The following LRGUK variants were observed in gnomAD, a reference collection of about 807,000 sequenced individuals.
LRGUK encodes leucine-rich repeat and guanylate kinase domain-containing protein.
Under a neutral mutation model 76.0 loss-of-function variants are expected in LRGUK, and 65 were observed. The observed-to-expected ratio is 0.85, with a 90% CI of 0.70 to 1.05. The LOEUF (loss-of-function observed/expected upper bound fraction) is 1.05. LRGUK is among the 50% of genes least tolerant of loss of function. The pLI is 0.00. For synonymous variants in LRGUK, 268 were observed against 265.6 expected, an observed-to-expected ratio of 1.01 and a Z score of -0.09; for missense variants, 758 against 732.8, an observed-to-expected ratio of 1.03 and a Z score of -0.40.
At chr7:134,263,045 T>C (rs1329898003) in intron 19 of LRGUK, among the ~76,000 whole-genome samples, 2 of 150,464 alleles carry the variant, frequency 1.3e-5, no homozygotes, top group Non-Finnish European at 3.0e-5. Context: ...TCTCAAACAA[T>C]GTCTTATTTT....
At chr7:134,136,925 G>C (rs1797563351) in intron 1 of LRGUK, 98 bp from the exon 2 acceptor site, 1 of 1,027,596 alleles carries the variant, frequency 9.7e-7, no homozygotes, top group Non-Finnish European at 1.5e-6. Context: ...CAGCTCCTGG[G>C]TATAAAATAT....
intron 7 of LRGUK, among the ~76,000 whole-genome samples, chr7:134,169,767 G>A (rs192654039): frequency 1.6e-3 from 239 of 152,064 alleles, no homozygotes; most frequent in African/African-American, 5.4e-3. Flanking sequence ...GGATAAGTCA[G>A]GATTTATTGA....
intron 4 of LRGUK, among the ~76,000 whole-genome samples, chr7:134,146,436 C>T (rs1797972831): frequency 6.6e-6 from 1 of 151,984 alleles, no homozygotes; most frequent in South Asian, 2.1e-4. Flanking sequence ...TAAGCTTATT[C>T]CTAGTTTATT....
intron 16 of LRGUK, among the ~76,000 whole-genome samples, chr7:134,235,620 C>T (rs1801996052): frequency 6.6e-6 from 1 of 152,138 alleles, no homozygotes; most frequent in African/African-American, 2.4e-5. Flanking sequence ...TGTTGGTCTT[C>T]CCCTGTTAGA....
intron 17 of LRGUK, 28 bp downstream of exon 17, chr7:134,247,672 A>C (rs746945218): frequency 6.6e-7 from 1 of 1,522,788 alleles, no homozygotes. Context: ...GAGCAACTTT[A>C]GATTGATTTC....
chr7:134,204,790 G>C (rs1383972335), intron 15 of LRGUK, among the ~76,000 whole-genome samples: 1 of 152,188 alleles, frequency 6.6e-6, no homozygotes, highest in Non-Finnish European at 1.5e-5. Flanking sequence ...TGTTCTTCCT[G>C]AGTCTCAGGG....
chr7:134,219,266 C>T (rs567533923), intron 15 of LRGUK, among the ~76,000 whole-genome samples: 88 of 152,212 alleles, frequency 5.8e-4, no homozygotes, highest in African/African-American at 2.0e-3. Context: ...GAGTTCAAGT[C>T]GTTAAAGCGG....
chr7:134,206,172 T>G (rs1481001001), intron 15 of LRGUK, among the ~76,000 whole-genome samples: 1 of 152,206 alleles, frequency 6.6e-6, no homozygotes, highest in Non-Finnish European at 1.5e-5. Context: ...ATACTAACTT[T>G]AGGTACACAG....
chr7:134,232,804 A>G (rs1801933332), intron 16 of LRGUK, among the ~76,000 whole-genome samples: 1 of 152,142 alleles, frequency 6.6e-6, no homozygotes, highest in Non-Finnish European at 1.5e-5. Flanking sequence ...TAAAATATCC[A>G]ATTTACTCAT....
intron 12 of LRGUK, among the ~76,000 whole-genome samples, chr7:134,192,163 A>G (rs560744157): frequency 1.9e-4 from 29 of 152,294 alleles, no homozygotes; most frequent in African/African-American, 7.0e-4. Context: ...TCTGTCCAGA[A>G]AGTAGTCTTT....
chr7:134,258,193 C>T (rs2544180), intron 18 of LRGUK, 64 bp from the exon 19 acceptor site: 41,806 of 1,595,968 alleles, frequency 0.026, 2,720 homozygotes, highest in African/African-American at 0.21. Context: ...AGGCATAGAT[C>T]GTGTGGCCAT....
rs753970110 is a variant in LRGUK at position 134,127,539 on chromosome 7, T to A, written c.172T>A (p.Ser58Thr). ...GACGAAAGGCAGCTCTAACATAGCC[T>A]CCTCCTACCTGCTCCAGCAGCTCAT... The change falls in exon 1 of 16, where the codon TCC becomes ACC. Residue 58 changes from serine to threonine, a missense_variant. Physicochemically the swap from Ser to Thr is moderately conservative, Grantham distance 58. Transcript: ENST00000645682. 7 of 1,614,060 alleles carry A rather than the reference T, an allele frequency of 4.3e-6. No individual in the cohort carries two copies. The South Asian group carries it at 6.6e-5, about 15-fold the overall frequency.
rs534840933 is a variant in LRGUK, at chr7:134,163,322, C to T, written c.796-75C>T. On this transcript the variant is annotated intron_variant, in intron 6 of 15. Coordinates refer to ENST00000645682, the Ensembl canonical transcript of LRGUK. ...TTTTAGAGAGATTTGGGTCAGTATC[C>T]CAAATGAAAACTTGCCATTACAACT... is the stretch of plus-strand genomic sequence containing the variant. The T allele has an allele frequency of 2.2e-6, 3 of 1,381,184 alleles. No individual in the cohort carries two copies. The South Asian group carries it at 4.5e-5, about 21-fold the overall frequency. The allele number at this position is 1,381,184 out of a possible 1,614,324, so 85.6% of individuals were successfully genotyped here. A position where few individuals can be genotyped will look rare whatever the true frequency, so the allele number is the denominator to read the frequency against.
At chr7:134,178,580 C>T (rs200858255) in exon 10 of LRGUK, 33 of 1,612,530 alleles carry the variant, frequency 2.0e-5, no homozygotes, top group Non-Finnish European at 2.5e-5. Context: ...TTGTCAACAG[C>T]GTGATGCAGC....
At chr7:134,261,809 G>A (rs184843666) in intron 19 of LRGUK, among the ~76,000 whole-genome samples, 150 of 152,262 alleles carry the variant, frequency 9.9e-4, no homozygotes, top group Middle Eastern at 3.4e-3. Flanking sequence ...CCATTGTAGC[G>A]TGAGAACAGC....
chr7:134,246,970 G>A (rs80035058), intron 16 of LRGUK, among the ~76,000 whole-genome samples: 92 of 152,230 alleles, frequency 6.0e-4, no homozygotes, highest in African/African-American at 2.1e-3. Context: ...TGTGCCATCT[G>A]GGTTTTATTT....
intron 18 of LRGUK, among the ~76,000 whole-genome samples, chr7:134,252,728 G>C (rs1260045150): frequency 6.6e-6 from 1 of 152,176 alleles, no homozygotes; most frequent in Non-Finnish European, 1.5e-5. Context: ...CAGTGCTGTG[G>C]CCTCTGCTTG....
downstream of LRGUK, among the ~76,000 whole-genome samples, chr7:134,213,666 T>C (rs1801355286): frequency 6.6e-6 from 1 of 152,128 alleles, no homozygotes; most frequent in Admixed American, 6.6e-5. Flanking sequence ...TTATCACTTG[T>C]TTGTGTTTCT....
chr7:134,187,468 A>G (rs1167089575), intron 11 of LRGUK, among the ~76,000 whole-genome samples: 3 of 152,188 alleles, frequency 2.0e-5, no homozygotes, highest in African/African-American at 7.2e-5. Context: ...AAGACATTCA[A>G]TGAAATTTTC....
Sources: allele counts gnomAD v4.1 joint callset (sites outside exome capture counted in the v4.1 genomes callset), GRCh38; gene constraint gnomAD v4.1.1; transcripts MANE v1.5; gene names NCBI Gene and HGNC (gene_info 2026-07-23, HGNC 2026-07-21).